RBPMS2: variants seen among roughly 807,000 people sequenced by gnomAD.
RBPMS2 encodes the protein RNA binding protein, mRNA processing factor 2, also known as RNA-binding protein with multiple splicing 2.
Under a neutral mutation model 25.7 loss-of-function variants are expected in RBPMS2, and 14 were observed. The ratio of observed to expected loss-of-function variants is 0.55; its 90% CI spans 0.36 to 0.85. The LOEUF is 0.85. Ranked by LOEUF, RBPMS2 falls within the 40% of genes least tolerant of loss-of-function variation. The pLI is 0.01. For synonymous variants in RBPMS2, 127 were observed against 115.6 expected (o/e 1.10, Z -0.63); for missense variants, 252 against 283.4 (o/e 0.89, Z 0.80).
At chr15:64,749,638 A>C in intron 3 of RBPMS2, 145 bp from the exon 4 acceptor site, 1 of 661,702 alleles carries the variant, frequency 1.5e-6, no homozygotes, top group Non-Finnish European at 2.5e-6. Context: ...AAGCCCCCCA[A>C]AACTCCAGCC....
At chr15:64,763,163 C>T (rs1184128823) in intron 1 of RBPMS2, among the ~76,000 whole-genome samples, 3 of 152,072 alleles carry the variant, frequency 2.0e-5, no homozygotes, top group Non-Finnish European at 4.4e-5. Context: ...AAAGAAGGCC[C>T]TCTGAGTATG....
intron 1 of RBPMS2, among the ~76,000 whole-genome samples, chr15:64,753,882 TC>T (rs2083706709): frequency 6.6e-6 from 1 of 152,090 alleles, no homozygotes. Flanking sequence ...GAAACCGAGC[TC>T]CTGACCTGAG....
At chr15:64,756,255 C>T (rs1260908859) in intron 1 of RBPMS2, among the ~76,000 whole-genome samples, 1 of 152,206 alleles carries the variant, frequency 6.6e-6, no homozygotes, top group Non-Finnish European at 1.5e-5. Flanking sequence ...GTGGCTCACA[C>T]CTGTAATCCC....
Position 64,775,381 on chromosome 15 carries a change from A to T in RBPMS2, c.-62T>A. On this transcript the variant is annotated 5_prime_UTR_variant, in exon 1 of 8. Coordinates refer to ENST00000300069, the MANE Select transcript of RBPMS2 (RefSeq NM_194272.3). ...GCGAGCGCGGCGCCGGCCCCGCGGG[A>T]AGTGGGAAGGGGCGCGGGGAGCGGT... 1 of 1,019,632 alleles carries T rather than the reference A, an allele frequency of 9.8e-7. No homozygotes were observed. The highest frequency in any genetic ancestry group is 1.2e-6 in the Non-Finnish European group (1 of 800,056). The allele number at this position is 1,019,632 out of a possible 1,614,324, so 63.2% of individuals were successfully genotyped here.
rs2083638758 is a variant in RBPMS2 at position 64,748,406 on chromosome 15, T to C, written c.567+13A>G. On this transcript the variant is annotated intron_variant, in intron 6 of 7. Transcript: ENST00000300069. Reference sequence around the variant, plus strand: ...CCCTTGTTCTTCGCCCTCCCCAACCTTAAAGGGCTTACCTGAGCGTGGAGG... The same window carrying C: ...CCCTTGTTCTTCGCCCTCCCCAACCCTAAAGGGCTTACCTGAGCGTGGAGG... 6.2e-7 allele frequency: 1 copy of C among 1,612,910 alleles called. No homozygotes were observed. Among genetic ancestry groups the C allele is most frequent in the African/African-American group, 1.3e-5 (1 of 74,866 alleles).
chr15:64,753,842 G>T (rs1238934249), intron 1 of RBPMS2, among the ~76,000 whole-genome samples: 1 of 152,108 alleles, frequency 6.6e-6, no homozygotes, highest in East Asian at 1.9e-4. Context: ...AGCATCTGGG[G>T]GTCTGGATAG....
intron 1 of RBPMS2, among the ~76,000 whole-genome samples, chr15:64,773,800 A>T (rs2083908005): frequency 6.6e-6 from 1 of 151,986 alleles, no homozygotes; most frequent in African/African-American, 2.4e-5. Context: ...TACGCTAGCA[A>T]CCCTGTCACC....
intron 5 of RBPMS2, 111 bp downstream of exon 5, chr15:64,748,889 T>TC: frequency 8.1e-7 from 1 of 1,241,938 alleles, no homozygotes; most frequent in Non-Finnish European, 1.1e-6. Flanking sequence ...CAAAAATGGG[T>TC]GGCCGTGGAC....
intron 1 of RBPMS2, among the ~76,000 whole-genome samples, chr15:64,753,158 G>T (rs1409301580): frequency 9.9e-5 from 15 of 151,788 alleles, no homozygotes; most frequent in Admixed American, 9.8e-4. Flanking sequence ...CAAGCAGAGC[G>T]TCCCTACACG....
chr15:64,761,192 C>G (rs1321982828), intron 1 of RBPMS2: 1 of 152,108 alleles, frequency 6.6e-6, no homozygotes, highest in African/African-American at 2.4e-5. Flanking sequence ...CGAGCGAGCT[C>G]TCCCGGTGTC....
intron 1 of RBPMS2, among the ~76,000 whole-genome samples, chr15:64,756,207 C>T (rs2083730072): frequency 6.6e-6 from 1 of 152,220 alleles, no homozygotes; most frequent in Non-Finnish European, 1.5e-5. Context: ...TCCAGCATGG[C>T]AGAACGATAC....
chr15:64,775,053 A>C (rs1358421418), intron 1 of RBPMS2, among the ~76,000 whole-genome samples, 180 bp downstream of exon 1: 1 of 150,588 alleles, frequency 6.6e-6, no homozygotes, highest in Non-Finnish European at 1.5e-5. Flanking sequence ...GGGGCAGTCC[A>C]GGCCGCACGC....
At chr15:64,751,949 C>A (rs1255862507) in intron 1 of RBPMS2, among the ~76,000 whole-genome samples, 2 of 151,796 alleles carry the variant, frequency 1.3e-5, no homozygotes, top group Non-Finnish European at 2.9e-5. Context: ...CAAACCCAGC[C>A]CAGCATGCCT....
At chr15:64,744,820 T>G (rs1326362947) in intron 6 of RBPMS2, among the ~76,000 whole-genome samples, 41 of 117,948 alleles carry the variant, frequency 3.5e-4, no homozygotes, top group Middle Eastern at 4.0e-3. Context: ...TTTTTTTTTT[T>G]TTTTTTTTTT....
At chr15:64,750,030 T>C (rs1186200638) in intron 3 of RBPMS2, among the ~76,000 whole-genome samples, 1 of 150,646 alleles carries the variant, frequency 6.6e-6, no homozygotes, top group Middle Eastern at 3.2e-3. Context: ...CACTCCAGCC[T>C]GGGCAACAAG....
At chr15:64,758,445 G>A (rs187085675) in intron 1 of RBPMS2, among the ~76,000 whole-genome samples, 2 of 152,252 alleles carry the variant, frequency 1.3e-5, no homozygotes, top group African/African-American at 4.8e-5. Context: ...TGAGAACTCA[G>A]TCAAAGATAC....
chr15:64,757,512 CAG>C, intron 1 of RBPMS2, among the ~76,000 whole-genome samples: 1 of 152,224 alleles, frequency 6.6e-6, no homozygotes, highest in Non-Finnish European at 1.5e-5. Context: ...TTCTCTTCCC[CAG>C]AGGAGGTAAT....
At chr15:64,767,164 A>G (rs2083854572) in intron 1 of RBPMS2, among the ~76,000 whole-genome samples, 2 of 151,080 alleles carry the variant, frequency 1.3e-5, no homozygotes, top group Admixed American at 6.6e-5. Flanking sequence ...CAGTGGTGGG[A>G]TACTGGCTCA....
chr15:64,741,554 T>C (rs1353163754), intron 6 of RBPMS2, among the ~76,000 whole-genome samples: 1 of 152,206 alleles, frequency 6.6e-6, no homozygotes, highest in Non-Finnish European at 1.5e-5. Context: ...GGGGCAGTGG[T>C]GCCAGCAACC....
Sources: allele counts gnomAD v4.1 joint callset (sites outside exome capture counted in the v4.1 genomes callset), GRCh38; gene constraint gnomAD v4.1.1; transcripts MANE v1.5; gene names NCBI Gene and HGNC (gene_info 2026-07-23, HGNC 2026-07-21).